FGGY: variants seen among roughly 807,000 people sequenced by gnomAD.
FGGY encodes FGGY carbohydrate kinase domain containing.
A neutral mutation model predicts 71.3 loss-of-function variants in FGGY; 72 were observed. The ratio of observed to expected loss-of-function variants is 1.01; its 90% CI spans 0.84 to 1.23. FGGY has a LOEUF of 1.23. Among genes scored for constraint, FGGY ranks in the 50% most tolerant of loss-of-function variants. The pLI is 0.00. For missense variants in FGGY, 668 were observed against 682.3 expected (o/e 0.98, Z 0.23); for synonymous variants, 251 against 250.3 (o/e 1.00, Z -0.02).
chr1:59,546,215 A>G (rs1020591558), intron 7 of FGGY, among the ~76,000 whole-genome samples: 2 of 152,174 alleles, frequency 1.3e-5, no homozygotes, highest in Non-Finnish European at 2.9e-5. Context: ...ACATTCTATC[A>G]TCATTCCAAT....
At chr1:59,616,517 A>T (rs2096756175) in intron 9 of FGGY, among the ~76,000 whole-genome samples, 1 of 152,138 alleles carries the variant, frequency 6.6e-6, no homozygotes, top group Middle Eastern at 3.2e-3. Flanking sequence ...GCATTAGGAG[A>T]TATACCTAAT....
rs777772308 is a variant in FGGY, at chr1:59,340,000, G to A, written c.244G>A (p.Gly82Arg). The stretch of plus-strand genomic sequence containing the variant: ...TGATTTAAACCAAATTCGAGGACTT[G>A]GGTTTGATGCCACGTGTTCTCTGGT... ...GIDLNQIRGL[G>R]FDATCSLVVL... is the part of the protein sequence containing the mutation. The change falls in exon 3 of 16, where the codon GGG becomes AGG. Residue 82 changes from glycine (G) to arginine (R), a missense_variant. Physicochemically the swap from Gly to Arg is moderately radical, Grantham distance 125. Transcript: ENST00000303721. The A allele has an allele frequency of 1.9e-6, 3 of 1,613,208 alleles. No homozygotes were observed. The South Asian group carries it at 3.3e-5, about 18-fold the overall frequency.
At chr1:59,440,418 CTTTG>C (rs1229050614) in intron 5 of FGGY, among the ~76,000 whole-genome samples, 3 of 151,902 alleles carry the variant, frequency 2.0e-5, no homozygotes, top group Non-Finnish European at 2.9e-5. Context: ...TTGTGGGTGG[CTTTG>C]TTTGTTTTTA....
intron 14 of FGGY, among the ~76,000 whole-genome samples, chr1:59,693,125 G>T (rs1421586031): frequency 1.3e-5 from 2 of 152,178 alleles, no homozygotes; most frequent in Non-Finnish European, 2.9e-5. Context: ...GGTTTAAATG[G>T]AATAAAAGAT....
At chr1:59,480,847 A>G (rs571234322) in intron 6 of FGGY, among the ~76,000 whole-genome samples, 1 of 152,286 alleles carries the variant, frequency 6.6e-6, no homozygotes, top group East Asian at 1.9e-4. Context: ...CTTCTATTCC[A>G]GCTGAGGAAC....
At chr1:59,722,002 G>C (rs1251055235) in intron 14 of FGGY, among the ~76,000 whole-genome samples, 2 of 152,168 alleles carry the variant, frequency 1.3e-5, no homozygotes, top group Non-Finnish European at 2.9e-5. Context: ...GATTTCCTTA[G>C]ATTTTACCTA....
chr1:59,406,492 G>A (rs1203049149), intron 5 of FGGY, among the ~76,000 whole-genome samples: 3 of 152,168 alleles, frequency 2.0e-5, no homozygotes, highest in African/African-American at 7.2e-5. Context: ...AGACAATAAC[G>A]TGTGTTTGAT....
intron 6 of FGGY, among the ~76,000 whole-genome samples, chr1:59,457,314 T>C (rs2091801755): frequency 6.6e-6 from 1 of 152,096 alleles, no homozygotes; most frequent in African/African-American, 2.4e-5. Context: ...CATTGAAATA[T>C]AGAATCAGAA....
chr1:59,532,489 A>G (rs2095174001), intron 7 of FGGY, among the ~76,000 whole-genome samples: 1 of 152,194 alleles, frequency 6.6e-6, no homozygotes, highest in Non-Finnish European at 1.5e-5. Context: ...AAAACTTATA[A>G]AAGAACTCAA....
At chr1:59,646,023 A>C (rs558741389) in intron 11 of FGGY, among the ~76,000 whole-genome samples, 1 of 152,356 alleles carries the variant, frequency 6.6e-6, no homozygotes, top group East Asian at 1.9e-4. Context: ...GGGAGGAAGC[A>C]CTGGGAGATC....
chr1:59,359,668 C>T (rs555111915), intron 4 of FGGY, among the ~76,000 whole-genome samples: 1 of 152,280 alleles, frequency 6.6e-6, no homozygotes, highest in African/African-American at 2.4e-5. Flanking sequence ...TATAAAGGCT[C>T]CTGTCTCTCT....
chr1:59,419,572 A>G (rs1052351471), intron 5 of FGGY, among the ~76,000 whole-genome samples: 2 of 152,184 alleles, frequency 1.3e-5, no homozygotes, highest in African/African-American at 4.8e-5. Context: ...TCAGAAAGTT[A>G]TGAGATTGGA....
At chr1:59,320,780 A>G (rs2046250381) in intron 1 of FGGY, among the ~76,000 whole-genome samples, 1 of 152,232 alleles carries the variant, frequency 6.6e-6, no homozygotes, top group Admixed American at 6.5e-5. Flanking sequence ...AAACAAAGGA[A>G]AGAGCATGAA....
intron 14 of FGGY, among the ~76,000 whole-genome samples, chr1:59,712,183 A>G (rs1438922908): frequency 6.6e-6 from 1 of 152,208 alleles, no homozygotes; most frequent in Non-Finnish European, 1.5e-5. Context: ...AAGGCAGTCA[A>G]ATCTTAAAGC....
chr1:59,726,271 G>A (rs1434084868), intron 14 of FGGY, among the ~76,000 whole-genome samples: 1 of 152,048 alleles, frequency 6.6e-6, no homozygotes, highest in Non-Finnish European at 1.5e-5. Flanking sequence ...TACACCTGGA[G>A]TAAATCGTAT....
chr1:59,539,327 A>G (rs1345376741), intron 7 of FGGY, among the ~76,000 whole-genome samples: 1 of 152,208 alleles, frequency 6.6e-6, no homozygotes, highest in Admixed American at 6.5e-5. Flanking sequence ...TTGAAAAAGA[A>G]CAAAGTTGGG....
intron 1 of FGGY, among the ~76,000 whole-genome samples, chr1:59,298,224 C>T (rs2042253099): frequency 6.6e-6 from 1 of 152,118 alleles, no homozygotes. Flanking sequence ...CTGGGAGTCT[C>T]CTGTTAATGG....
chr1:59,346,191 T>C, intron 3 of FGGY, 56 bp from the exon 4 acceptor site: 4 of 1,597,694 alleles, frequency 2.5e-6, no homozygotes, highest in Non-Finnish European at 2.6e-6. Context: ...ATTGTTCCCT[T>C]GAATTAGAAG....
intron 6 of FGGY, among the ~76,000 whole-genome samples, chr1:59,467,842 T>A (rs2092723150): frequency 2.0e-5 from 3 of 151,938 alleles, no homozygotes; most frequent in Admixed American, 1.3e-4. Flanking sequence ...AATTAAGGAT[T>A]TGATTTTTTT....
Sources: gnomAD v4.1 joint callset for allele counts (sites outside exome capture counted in the v4.1 genomes callset) on GRCh38, gnomAD v4.1.1 for gene constraint, MANE v1.5 for transcripts, NCBI Gene and HGNC (gene_info 2026-07-23, HGNC 2026-07-21) for gene names.